The following ELMO1 variants were observed in gnomAD, a reference collection of about 807,000 sequenced individuals.
ELMO1 encodes engulfment and cell motility 1, also known as engulfment and cell motility protein 1.
A neutral mutation model predicts 98.9 loss-of-function variants in ELMO1; 26 were observed. The observed-to-expected ratio is 0.26, with a 90% CI of 0.19 to 0.36. ELMO1 has a LOEUF of 0.36. Ranked by LOEUF, ELMO1 falls within the 10% of genes least tolerant of loss-of-function variation. The pLI, the probability that ELMO1 is intolerant of heterozygous loss-of-function variation, is 1.00. For synonymous variants in ELMO1, 346 were observed against 346.0 expected (o/e 1.00, Z 0.00); for missense variants, 627 against 935.2 (o/e 0.67, Z 4.30).
At chr7:36,856,846 G>C (rs1802233756) in intron 21 of ELMO1, among the ~76,000 whole-genome samples, 1 of 152,182 alleles carries the variant, frequency 6.6e-6, no homozygotes, top group Non-Finnish European at 1.5e-5. Context: ...TGTTGAAGTG[G>C]TCTTCCTTCT....
intron 2 of ELMO1, among the ~76,000 whole-genome samples, chr7:37,322,728 A>G (rs565300083): frequency 4.6e-5 from 7 of 152,174 alleles, no homozygotes; most frequent in Non-Finnish European, 8.8e-5. Context: ...GCTTGAGCCC[A>G]GGAAGCAGAG....
chr7:37,022,624 G>C (rs1158005616), intron 15 of ELMO1, among the ~76,000 whole-genome samples: 1 of 152,232 alleles, frequency 6.6e-6, no homozygotes, highest in Non-Finnish European at 1.5e-5. Flanking sequence ...ATCATCCACT[G>C]TTGATGGGAG....
chr7:37,187,770 T>C (rs186747503), intron 13 of ELMO1, among the ~76,000 whole-genome samples: 3 of 152,312 alleles, frequency 2.0e-5, no homozygotes, highest in East Asian at 3.9e-4. Flanking sequence ...AATTAAAGAA[T>C]TGCCTTAGCT....
chr7:37,283,227 A>C (rs1797229310), intron 4 of ELMO1, among the ~76,000 whole-genome samples: 1 of 152,216 alleles, frequency 6.6e-6, no homozygotes, highest in Admixed American at 6.5e-5. Context: ...ATAGAGAGAA[A>C]GAACAACATG....
At chr7:36,881,527 T>G (rs947323732) in intron 18 of ELMO1, among the ~76,000 whole-genome samples, 2 of 152,228 alleles carry the variant, frequency 1.3e-5, no homozygotes, top group African/African-American at 4.8e-5. Context: ...TTTACTAGCA[T>G]TTTGGAGAAA....
At chr7:37,426,911 A>G (rs1166807119) in intron 1 of ELMO1, among the ~76,000 whole-genome samples, 1 of 152,122 alleles carries the variant, frequency 6.6e-6, no homozygotes, top group Non-Finnish European at 1.5e-5. Flanking sequence ...TATTCCCTAA[A>G]AGCCAGCATT....
intron 1 of ELMO1, among the ~76,000 whole-genome samples, chr7:37,413,741 G>A (rs1375564683): frequency 6.6e-6 from 1 of 152,160 alleles, no homozygotes; most frequent in Admixed American, 6.5e-5. Flanking sequence ...GCAGTGGCGT[G>A]ATCTCAGCTC....
chr7:37,171,836 G>A (rs1790189821), intron 13 of ELMO1, among the ~76,000 whole-genome samples: 1 of 152,028 alleles, frequency 6.6e-6, no homozygotes, highest in Admixed American at 6.6e-5. Context: ...AAGCAATAAA[G>A]GATCTAGCTT....
At chr7:37,127,219 C>T (rs1227093927) in intron 14 of ELMO1, among the ~76,000 whole-genome samples, 1 of 152,204 alleles carries the variant, frequency 6.6e-6, no homozygotes, top group Non-Finnish European at 1.5e-5. Flanking sequence ...CTTAAAATAG[C>T]ATCTTTTGGG....
chr7:36,932,159 C>A (rs1242586461), intron 16 of ELMO1, among the ~76,000 whole-genome samples: 2 of 152,154 alleles, frequency 1.3e-5, no homozygotes, highest in African/African-American at 4.8e-5. Flanking sequence ...AGACACCGTT[C>A]AATAAGACAT....
chr7:36,952,753 A>T (rs1279955310), intron 16 of ELMO1, among the ~76,000 whole-genome samples: 1 of 152,154 alleles, frequency 6.6e-6, no homozygotes. Flanking sequence ...GTCCACTTAC[A>T]TAAGAGAAAT....
intron 15 of ELMO1, among the ~76,000 whole-genome samples, chr7:37,065,262 C>T (rs937878068): frequency 5.3e-5 from 8 of 151,990 alleles, no homozygotes; most frequent in African/African-American, 1.9e-4. Flanking sequence ...GATCCTCGCA[C>T]CTCAGCCTCT....
intron 16 of ELMO1, among the ~76,000 whole-genome samples, chr7:36,897,854 A>G (rs1352098220): frequency 6.6e-6 from 1 of 152,236 alleles, no homozygotes; most frequent in Non-Finnish European, 1.5e-5. Context: ...GTTTGAAGAA[A>G]GTATAGAACT....
chr7:37,213,843 G>T (rs6462744), intron 11 of ELMO1, among the ~76,000 whole-genome samples: 42,005 of 152,058 alleles, frequency 0.28, 6,385 homozygotes, highest in African/African-American at 0.4. Context: ...ATACCCATAG[G>T]AAGCAATTTT....
At chr7:37,324,459 T>C (rs1255872367) in intron 2 of ELMO1, among the ~76,000 whole-genome samples, 1 of 152,186 alleles carries the variant, frequency 6.6e-6, no homozygotes, top group Non-Finnish European at 1.5e-5. Flanking sequence ...TCTAATGACA[T>C]GGGGAAAATG....
chr7:37,116,007 T>C (rs1785563531), intron 14 of ELMO1, among the ~76,000 whole-genome samples: 1 of 152,216 alleles, frequency 6.6e-6, no homozygotes, highest in Non-Finnish European at 1.5e-5. Context: ...GAACCCTCTG[T>C]ACTTTTGCTC....
At chr7:37,320,364 A>G (rs558390806) in intron 2 of ELMO1, among the ~76,000 whole-genome samples, 31 of 152,146 alleles carry the variant, frequency 2.0e-4, no homozygotes, top group Admixed American at 2.6e-4. Flanking sequence ...ACTATTCTGT[A>G]CACGTTCCCC....
chr7:37,050,659 C>CAAAAAA (rs59878335), intron 15 of ELMO1, among the ~76,000 whole-genome samples: 17 of 142,630 alleles, frequency 1.2e-4, no homozygotes, highest in African/African-American at 2.1e-4. Flanking sequence ...CACACACACA[C>CAAAAAA]AAAAGGTAAC....
intron 10 of ELMO1, among the ~76,000 whole-genome samples, chr7:37,218,002 C>A (rs1368344493): frequency 6.6e-6 from 1 of 152,162 alleles, no homozygotes; most frequent in East Asian, 1.9e-4. Context: ...TGAGAAACAA[C>A]TCAAATGGTA....
Sources: gnomAD v4.1 joint callset for allele counts (sites outside exome capture counted in the v4.1 genomes callset) on GRCh38, gnomAD v4.1.1 for gene constraint, MANE v1.5 for transcripts, NCBI Gene and HGNC (gene_info 2026-07-23, HGNC 2026-07-21) for gene names.